Variants in LPP observed in about 807,000 individuals in gnomAD.
The protein encoded by LPP is lipoma-preferred partner.
Under a neutral mutation model 60.4 loss-of-function variants are expected in LPP, and 38 were observed. The observed-to-expected ratio is 0.63, with a 90% CI of 0.49 to 0.83. LPP has a LOEUF of 0.83. Among genes scored for constraint, LPP ranks in the 40% least tolerant of loss-of-function variants. The pLI, the probability that LPP is intolerant of heterozygous loss-of-function variation, is 0.00. For synonymous variants in LPP, 328 were observed against 290.8 expected (o/e 1.13, Z -1.30); for missense variants, 902 against 783.6 (o/e 1.15, Z -1.80).
intron 4 of LPP, among the ~76,000 whole-genome samples, chr3:188,444,788 G>GA (rs1268579908): frequency 1.3e-5 from 2 of 150,702 alleles, no homozygotes; most frequent in South Asian, 2.2e-4. Flanking sequence ...AAATGTACAA[G>GA]AAAAAAACAA....
At chr3:188,347,111 G>C (rs1560278332) in intron 3 of LPP, among the ~76,000 whole-genome samples, 1 of 152,062 alleles carries the variant, frequency 6.6e-6, no homozygotes, top group Non-Finnish European at 1.5e-5. Flanking sequence ...AAGTTTTACA[G>C]CTAATAAATA....
chr3:188,466,193 A>C (rs1800327599), intron 4 of LPP, among the ~76,000 whole-genome samples: 1 of 152,128 alleles, frequency 6.6e-6, no homozygotes, highest in Non-Finnish European at 1.5e-5. Flanking sequence ...TCAACACGGC[A>C]GTGAGATGGG....
intron 6 of LPP, among the ~76,000 whole-genome samples, chr3:188,588,786 C>T (rs1016257962): frequency 6.6e-6 from 1 of 152,070 alleles, no homozygotes; most frequent in East Asian, 1.9e-4. Flanking sequence ...CAGGATCCAC[C>T]CTTCTCCTCC....
At chr3:188,339,027 C>G (rs1165045510) in intron 2 of LPP, among the ~76,000 whole-genome samples, 2 of 152,172 alleles carry the variant, frequency 1.3e-5, no homozygotes, top group African/African-American at 4.8e-5. Context: ...ATCTTACCTT[C>G]ATTTACTCCA....
intron 1 of LPP, among the ~76,000 whole-genome samples, chr3:188,185,914 T>C (rs550179428): frequency 6.6e-6 from 1 of 152,306 alleles, no homozygotes; most frequent in Admixed American, 6.5e-5. Flanking sequence ...TGCCCATAAA[T>C]GGGTCTTAAA....
chr3:188,355,920 C>T (rs1767479400), intron 3 of LPP, among the ~76,000 whole-genome samples: 1 of 152,170 alleles, frequency 6.6e-6, no homozygotes, highest in Non-Finnish European at 1.5e-5. Context: ...TCCCACACCT[C>T]ACACAAAGGC....
At position 188,880,712 on chromosome 3, in the gene LPP, AT is replaced by A. The variant is rs1389449957; in HGVS notation, c.*6235del. On this transcript the variant is annotated 3_prime_UTR_variant, in exon 12 of 12. Transcript: ENST00000617246. ...AACGTTATTAAACAGCCACAATCGC[AT>A]TCAGTCAACTTGGCACTGAATGTAG... is the stretch of plus-strand genomic sequence containing the variant. 6 of 185,234 alleles carry A rather than the reference AT, an allele frequency of 3.2e-5. No individual in the cohort carries two copies. The highest frequency in any genetic ancestry group is 1.4e-4 in the African/African-American group (6 of 42,648). The allele number at this position is 185,234 out of a possible 1,614,324, so 11.5% of individuals were successfully genotyped here.
chr3:188,335,697 T>A (rs1410620396), intron 2 of LPP, among the ~76,000 whole-genome samples: 3 of 152,234 alleles, frequency 2.0e-5, no homozygotes, highest in Non-Finnish European at 4.4e-5. Flanking sequence ...GATCATTATT[T>A]TGAATTCCTT....
At chr3:188,768,876 T>G (rs773550374) in intron 9 of LPP, among the ~76,000 whole-genome samples, 5 of 152,178 alleles carry the variant, frequency 3.3e-5, no homozygotes, top group African/African-American at 4.8e-5. Context: ...TTTCTTAATT[T>G]TAAATAAATG....
chr3:188,232,504 A>ATTTTTTTTTTTTTTTTTTTTTTTTTTTT (rs71634069), intron 2 of LPP, among the ~76,000 whole-genome samples: 1 of 103,234 alleles, frequency 9.7e-6, no homozygotes, highest in Non-Finnish European at 1.9e-5. Context: ...ACACCCGGCT[A>ATTTTTTTTTTTTTTTTTTTTTTTTTTTT]TTTTTTTTTT....
At chr3:188,405,620 A>G (rs1449030176) in intron 3 of LPP, among the ~76,000 whole-genome samples, 1 of 152,064 alleles carries the variant, frequency 6.6e-6, no homozygotes, top group Non-Finnish European at 1.5e-5. Context: ...GCATCTCAGC[A>G]ACACTTGTTC....
At chr3:188,378,669 GTGATGCCTCACCC>G (rs1222038492) in intron 3 of LPP, among the ~76,000 whole-genome samples, 1 of 151,864 alleles carries the variant, frequency 6.6e-6, no homozygotes, top group Admixed American at 6.6e-5. Flanking sequence ...CCTGGGTGAG[GTGATGCCTCACCC>G]TGCTTCGGCT....
intron 1 of LPP, chr3:188,179,536 C>G (rs181519840): frequency 4.4e-6 from 2 of 457,372 alleles, no homozygotes; most frequent in Admixed American, 4.7e-5. Flanking sequence ...GAGTTCCTCT[C>G]GTGCTCTCAT....
At chr3:188,542,857 C>T (rs1204789615) in intron 6 of LPP, among the ~76,000 whole-genome samples, 2 of 152,140 alleles carry the variant, frequency 1.3e-5, no homozygotes, top group East Asian at 1.9e-4. Context: ...TACATTTGTA[C>T]ATAGATCGAA....
At chr3:188,641,982 C>G (rs1850237213) in intron 7 of LPP, among the ~76,000 whole-genome samples, 1 of 152,198 alleles carries the variant, frequency 6.6e-6, no homozygotes, top group African/African-American at 2.4e-5. Context: ...CAAAGAAGGC[C>G]TATTACCATC....
intron 2 of LPP, among the ~76,000 whole-genome samples, chr3:188,281,143 A>G (rs775590686): frequency 4.6e-5 from 7 of 152,172 alleles, no homozygotes; most frequent in Non-Finnish European, 7.3e-5. Context: ...CAATTTGCAC[A>G]TATGAATTAT....
intron 8 of LPP, among the ~76,000 whole-genome samples, chr3:188,750,730 G>A (rs1049116413): frequency 2.0e-5 from 3 of 152,106 alleles, no homozygotes; most frequent in Non-Finnish European, 4.4e-5. Context: ...AAGGTAAGAG[G>A]GACACTGGAG....
intron 3 of LPP, among the ~76,000 whole-genome samples, chr3:188,398,190 C>A (rs1781414923): frequency 6.6e-6 from 1 of 152,158 alleles, no homozygotes; most frequent in African/African-American, 2.4e-5. Flanking sequence ...TTGTAAGAAA[C>A]CTTAGCTCCT....
chr3:188,630,164 CTAT>C, intron 7 of LPP, among the ~76,000 whole-genome samples: 1 of 63,048 alleles, frequency 1.6e-5, no homozygotes, highest in Non-Finnish European at 3.8e-5. Context: ...GCAAAACAAA[CTAT>C]CAACAGAGTA....
Sources: allele counts gnomAD v4.1 joint callset (sites outside exome capture counted in the v4.1 genomes callset), GRCh38; gene constraint gnomAD v4.1.1; transcripts MANE v1.5; gene names NCBI Gene and HGNC (gene_info 2026-07-23, HGNC 2026-07-21).